RSRP1: variants seen among roughly 807,000 people sequenced by gnomAD.
RSRP1 encodes the protein arginine/serine-rich protein 1.
In RSRP1, 37 loss-of-function variants were observed where a neutral mutation model predicts 33.0. That is an observed-to-expected ratio of 1.12 (90% CI 0.86 to 1.48). The LOEUF is 1.48. RSRP1 is among the 40% of genes most tolerant of loss of function. The pLI, the probability that RSRP1 is intolerant of heterozygous loss-of-function variation, is 0.00. For synonymous variants in RSRP1, 167 were observed against 158.7 expected (o/e 1.05, Z -0.40); for missense variants, 402 against 385.3 (o/e 1.04, Z -0.36).
intron 1 of RSRP1, among the ~76,000 whole-genome samples, chr1:25,295,719 T>C (rs1642877096): frequency 9.3e-6 from 1 of 107,902 alleles, no homozygotes; most frequent in Non-Finnish European, 2.2e-5. Flanking sequence ...GCTGACATCA[T>C]CAGTGACCAA....
At chr1:25,243,706 C>G in intron 3 of RSRP1, 73 bp from the exon 4 acceptor site, 1 of 1,564,388 alleles carries the variant, frequency 6.4e-7, no homozygotes, top group Non-Finnish European at 8.7e-7. Context: ...TAAAAAATAG[C>G]CTAATTGTAA....
At chr1:25,266,109 T>C (rs1384157251) in intron 1 of RSRP1, 1 of 130,800 alleles carries the variant, frequency 7.6e-6, no homozygotes, top group Non-Finnish European at 1.8e-5. Context: ...GGCTGGCTTT[T>C]GCTATTTCTA....
chr1:25,333,928 C>G (rs2765566), intron 1 of RSRP1, among the ~76,000 whole-genome samples: 1 of 128,760 alleles, frequency 7.8e-6, no homozygotes, highest in South Asian at 2.4e-4. Flanking sequence ...CCTCCCACAA[C>G]GCATGGGAAT....
intron 1 of RSRP1, among the ~76,000 whole-genome samples, chr1:25,287,868 G>A (rs181691964): frequency 0.024 from 2,793 of 116,684 alleles, 434 homozygotes; most frequent in African/African-American, 0.069. Flanking sequence ...TTTTACAGGC[G>A]CCTGCTACCA....
rs986986837 is a variant in RSRP1, at chr1:25,274,207, G to A, written c.-66-27178C>T. 8.4e-5 allele frequency among the ~76,000 whole-genome samples: 11 copies of A among 131,722 alleles called. 5 individuals are homozygous for A. The highest frequency in any genetic ancestry group is 2.0e-4 in the Non-Finnish European group (11 of 55,650). The allele number at this position is 131,722 out of a possible 152,430, so 86.4% of individuals were successfully genotyped here. On this transcript the variant is annotated intron_variant, in intron 1 of 1. Transcript: ENST00000561867. ...TGAGGTGGGTACTATTATGATCTTC[G>A]TTTTTCATATGAGGAAACTAGGCAT... is the stretch of plus-strand genomic sequence containing the variant.
At chr1:25,247,474 C>G (rs1571522025), upstream of RSRP1, 1 of 153,550 alleles carries the variant, frequency 6.5e-6, no homozygotes, top group East Asian at 1.9e-4. Context: ...CGTTAGCAGA[C>G]GCGTCAAAAG....
At position 25,306,611 on chromosome 1, in the gene RSRP1, G is replaced by A. The variant is rs1304848745; in HGVS notation, c.-67+31367C>T. On this transcript the variant is annotated intron_variant, in intron 1 of 1. Transcript: ENST00000561867. ...TTGTCCACAGGGGTGTTGTAACCGA[G>A]TGCTGGGGATTCCCCACAGCTCCAT... is the stretch of plus-strand genomic sequence containing the variant. The A allele has an allele frequency of 7.3e-6, 10 of 1,378,394 alleles. 4 individuals carry two copies. The highest frequency in any genetic ancestry group is 1.0e-5 in the Non-Finnish European group (10 of 978,830). The allele number at this position is 1,378,394 out of a possible 1,614,324, so 85.4% of individuals were successfully genotyped here. A position where few individuals can be genotyped will look rare whatever the true frequency, so the allele number is the denominator to read the frequency against.
intron 1 of RSRP1, chr1:25,330,382 C>A (rs1402117900): frequency 1.5e-5 from 2 of 132,666 alleles, no homozygotes; most frequent in East Asian, 3.9e-4. Context: ...AAAATTCTGG[C>A]AGACCAAGGT....
At chr1:25,307,966 T>C (rs1643939665) in intron 1 of RSRP1, 1 of 707,874 alleles carries the variant, frequency 1.4e-6, no homozygotes, top group Non-Finnish European at 2.3e-6. Context: ...AGAGTTCCCC[T>C]CTGAAAGATG....
chr1:25,319,920 C>T (rs139254424), intron 1 of RSRP1, among the ~76,000 whole-genome samples: 1,890 of 130,036 alleles, frequency 0.015, 296 homozygotes, highest in African/African-American at 0.045. Context: ...TTTTTTTAGA[C>T]GCAGTTTTGC....
chr1:25,305,140 G>A (rs1180058657), intron 1 of RSRP1, among the ~76,000 whole-genome samples: 1 of 131,738 alleles, frequency 7.6e-6, no homozygotes, highest in Non-Finnish European at 1.8e-5. Flanking sequence ...CAGAGGAAAC[G>A]GTTGACAGCC....
rs1480407266 is a variant in RSRP1 at position 25,245,218 on chromosome 1, TGA to T, written c.602_603del (p.Leu201GlnfsTer18). 2 of 1,614,158 alleles carry T rather than the reference TGA, an allele frequency of 1.2e-6. No individual in the cohort carries two copies. ...GTTNIDLPAS[L>X]RTVPSAKETS... Reference sequence around the variant, plus strand: ...GTTTCTTTGGCTGAAGGAACAGTTCTGAGACTAGCTGGCAAGTCAATGTTGGT... The same window carrying T: ...GTTTCTTTGGCTGAAGGAACAGTTCTGACTAGCTGGCAAGTCAATGTTGGT... On this transcript the variant is annotated frameshift_variant, in exon 3 of 5. Transcript: ENST00000243189. LOFTEE classifies it high-confidence loss of function.
In RSRP1 at chr1:25,281,494, A is replaced by G. The variant is rs1309702009; in HGVS notation, c.-66-34465T>C. On this transcript the variant is annotated intron_variant, in intron 1 of 1. Coordinates refer to the RSRP1 transcript ENST00000561867. ...ACAATCGTGTTTAATAAAAGGTTGG[A>G]TTTGCATATCTGAAGTGGGGCATGC... is the stretch of plus-strand genomic sequence containing the variant. Among the ~76,000 whole-genome samples the G allele has an allele frequency of 1.5e-5, 2 of 131,958 alleles. 1 individual carries two copies. The highest frequency in any genetic ancestry group is 5.2e-5 in the African/African-American group (2 of 38,454). 86.6% of individuals were successfully genotyped at this position (131,958 alleles called of 152,430 possible).
intron 1 of RSRP1, among the ~76,000 whole-genome samples, chr1:25,305,581 ATTT>A (rs1643750945): frequency 8.8e-6 from 1 of 113,950 alleles, no homozygotes; most frequent in Admixed American, 8.2e-5. Flanking sequence ...GTGTGTATGT[ATTT>A]TGTTGTTGTT....
At position 25,272,565 on chromosome 1, in the gene RSRP1, G is replaced by A. The variant is rs752685469; in HGVS notation, c.-66-25536C>T. The A allele has an allele frequency of 7.6e-6, 12 of 1,582,724 alleles. 1 individual carries two copies. The highest frequency in any genetic ancestry group is 2.8e-5 in the African/African-American group (2 of 72,636). ...GACACAGGATGAGCTCTAAGTACCC[G>A]CGGTCTGTCCGGCGCTGCCTGCCCC... On this transcript the variant is annotated intron_variant, in intron 1 of 1. Transcript: ENST00000561867.
intron 1 of RSRP1, 29 bp from the exon 2 acceptor site, chr1:25,247,058 C>A: frequency 4.6e-6 from 6 of 1,312,212 alleles, no homozygotes; most frequent in Middle Eastern, 3.0e-4. Context: ...AAAAACAAGT[C>A]GAGTCGCGGA....
chr1:25,245,155 G>T lies in RSRP1; in HGVS notation c.667C>A (p.Pro223Thr), dbSNP rs1011214684. 6.2e-7 allele frequency: 1 copy of T among 1,614,142 alleles called. No homozygotes were observed. The highest frequency in any genetic ancestry group is 1.7e-5 in the Admixed American group (1 of 60,024). Residue 223 changes from proline (P) to threonine (T), a missense_variant, in exon 3 of 5, where the codon CCT becomes ACT. Pro to Thr is a conservative substitution (Grantham distance 38). Coordinates refer to ENST00000243189, the MANE Select transcript of RSRP1 (RefSeq NM_020317.5). ...GIGVSSNGAK[P>T]ELSEKVTEDG... ...GACAAACCTAGAATACTTACTTCAG[G>T]CTTTGCACCATTACTTGATACACCT...
chr1:25,278,496 G>C (rs1464947068), intron 1 of RSRP1, among the ~76,000 whole-genome samples: 1 of 131,870 alleles, frequency 7.6e-6, no homozygotes, highest in Non-Finnish European at 1.8e-5. Flanking sequence ...CAGTTCTTCT[G>C]TTAGTTTCAC....
chr1:25,336,938 A>G (rs1432379636), intron 1 of RSRP1: 1 of 152,052 alleles, frequency 6.6e-6, no homozygotes, highest in Non-Finnish European at 1.5e-5. Context: ...TCATCCATCA[A>G]AGGAAACAAC....
Sources: gnomAD v4.1 joint callset for allele counts (sites outside exome capture counted in the v4.1 genomes callset) on GRCh38, gnomAD v4.1.1 for gene constraint, MANE v1.5 for transcripts, NCBI Gene and HGNC (gene_info 2026-07-23, HGNC 2026-07-21) for gene names.